The following NRG3 variants were observed in gnomAD, a reference collection of about 807,000 sequenced individuals.
The protein encoded by NRG3 is neuregulin 3.
Under a neutral mutation model 66.9 loss-of-function variants are expected in NRG3, and 31 were observed. The ratio of observed to expected loss-of-function variants is 0.46; its 90% confidence interval spans 0.35 to 0.63. The LOEUF is 0.63. NRG3 is among the 20% of genes least tolerant of loss of function. The pLI, the probability that NRG3 is intolerant of heterozygous loss-of-function variation, is 0.00. For missense variants in NRG3, 910 were observed against 878.9 expected, an observed-to-expected ratio of 1.04 and a Z score of -0.45; for synonymous variants, 393 against 359.4, an observed-to-expected ratio of 1.09 and a Z score of -1.06.
chr10:82,833,344 T>C (rs1266525873), intron 3 of NRG3, among the ~76,000 whole-genome samples: 5 of 152,148 alleles, frequency 3.3e-5, no homozygotes, highest in African/African-American at 4.8e-5. Flanking sequence ...TTCTGCTCTC[T>C]AGGAAGATAG....
At chr10:81,887,005 T>A (rs2132523634) in intron 1 of NRG3, among the ~76,000 whole-genome samples, 1 of 152,308 alleles carries the variant, frequency 6.6e-6, no homozygotes, top group South Asian at 2.1e-4. Context: ...TGTTCATGAA[T>A]TATCTTTTTT....
At chr10:82,544,957 C>T (rs1011224012) in intron 2 of NRG3, among the ~76,000 whole-genome samples, 2 of 152,154 alleles carry the variant, frequency 1.3e-5, no homozygotes, top group Non-Finnish European at 2.9e-5. Context: ...ATATCTGCAG[C>T]AATCGAGGAC....
At chr10:81,927,656 C>T (rs1437556876) in intron 1 of NRG3, among the ~76,000 whole-genome samples, 1 of 152,118 alleles carries the variant, frequency 6.6e-6, no homozygotes. Context: ...CATAAACTCC[C>T]TCTCACCCTT....
At chr10:82,492,944 T>A (rs1843282439) in intron 2 of NRG3, among the ~76,000 whole-genome samples, 1 of 152,156 alleles carries the variant, frequency 6.6e-6, no homozygotes, top group Non-Finnish European at 1.5e-5. Context: ...GAGCTTTGTA[T>A]TCAGTTTTAA....
chr10:82,316,828 A>G (rs1035317002), intron 1 of NRG3, among the ~76,000 whole-genome samples: 1 of 152,178 alleles, frequency 6.6e-6, no homozygotes, highest in African/African-American at 2.4e-5. Context: ...AATTTCAGAA[A>G]AGCAGAGCTG....
At chr10:82,287,501 A>G (rs947543483) in intron 1 of NRG3, among the ~76,000 whole-genome samples, 5 of 151,248 alleles carry the variant, frequency 3.3e-5, no homozygotes, top group African/African-American at 9.7e-5. Flanking sequence ...ACTCAGGGTG[A>G]GCATGAACAA....
chr10:82,597,906 C>T (rs958232038), intron 2 of NRG3, among the ~76,000 whole-genome samples: 3 of 134,752 alleles, frequency 2.2e-5, no homozygotes, highest in South Asian at 2.3e-4. Flanking sequence ...GGTGACAGGG[C>T]GAGACTCCCT....
At chr10:82,594,343 A>G in intron 2 of NRG3, among the ~76,000 whole-genome samples, 1 of 152,184 alleles carries the variant, frequency 6.6e-6, no homozygotes, top group East Asian at 1.9e-4. Context: ...ACAATAAATA[A>G]TATAAAGAAT....
intron 2 of NRG3, among the ~76,000 whole-genome samples, chr10:82,467,892 A>G (rs1010322904): frequency 1.3e-5 from 2 of 152,006 alleles, no homozygotes; most frequent in African/African-American, 4.8e-5. Flanking sequence ...CTTTGTGCCC[A>G]TATTCATGTT....
At chr10:82,078,874 T>G (rs1395910415) in intron 1 of NRG3, among the ~76,000 whole-genome samples, 1 of 152,142 alleles carries the variant, frequency 6.6e-6, no homozygotes, top group Non-Finnish European at 1.5e-5. Context: ...AACAGGTGAT[T>G]AGGTTGCCTG....
chr10:82,425,227 T>A (rs1425713521), intron 2 of NRG3, among the ~76,000 whole-genome samples: 4 of 152,150 alleles, frequency 2.6e-5, no homozygotes, highest in South Asian at 4.1e-4. Flanking sequence ...CTCATCAACT[T>A]GGGGACTATA....
intron 2 of NRG3, among the ~76,000 whole-genome samples, chr10:82,426,245 T>C (rs1045424903): frequency 6.6e-6 from 1 of 152,130 alleles, no homozygotes; most frequent in Non-Finnish European, 1.5e-5. Context: ...GTAAAAGTTA[T>C]GAAAGTGTGT....
intron 2 of NRG3, among the ~76,000 whole-genome samples, chr10:82,638,644 A>G (rs1488087971): frequency 6.6e-6 from 1 of 151,558 alleles, no homozygotes; most frequent in Non-Finnish European, 1.5e-5. Context: ...TTCCTGAAAT[A>G]CACTTTTTTT....
chr10:82,552,519 T>C (rs932733341), intron 2 of NRG3, among the ~76,000 whole-genome samples: 1 of 152,154 alleles, frequency 6.6e-6, no homozygotes, highest in Non-Finnish European at 1.5e-5. Flanking sequence ...ATATGTATTA[T>C]TCAGCGTAAT....
At chr10:82,043,075 G>T (rs1340839002) in intron 1 of NRG3, among the ~76,000 whole-genome samples, 1 of 151,966 alleles carries the variant, frequency 6.6e-6, no homozygotes, top group African/African-American at 2.4e-5. Flanking sequence ...AGTGTCACTG[G>T]TCCCTGGGAA....
At chr10:82,311,291 T>C (rs977032083) in intron 1 of NRG3, among the ~76,000 whole-genome samples, 2 of 152,224 alleles carry the variant, frequency 1.3e-5, no homozygotes, top group African/African-American at 4.8e-5. Flanking sequence ...TTCTATTAAA[T>C]GTCTATACTT....
intron 1 of NRG3, among the ~76,000 whole-genome samples, chr10:82,137,492 G>A (rs1000718087): frequency 6.6e-6 from 1 of 152,052 alleles, no homozygotes; most frequent in Non-Finnish European, 1.5e-5. Flanking sequence ...AAATAAATAG[G>A]TTCATGTAGG....
chr10:82,672,784 C>T (rs2053385638), intron 2 of NRG3, among the ~76,000 whole-genome samples: 1 of 152,216 alleles, frequency 6.6e-6, no homozygotes, highest in Admixed American at 6.5e-5. Context: ...GAGTCTTACT[C>T]TGTCTCCTGG....
At chr10:82,339,187 C>A (rs2082548631) in intron 1 of NRG3, among the ~76,000 whole-genome samples, 1 of 152,114 alleles carries the variant, frequency 6.6e-6, no homozygotes. Context: ...TTCTAGTTGC[C>A]TGTTTTAAAC....
Sources: allele counts gnomAD v4.1 joint callset (sites outside exome capture counted in the v4.1 genomes callset), GRCh38; gene constraint gnomAD v4.1.1; transcripts MANE v1.5; gene names NCBI Gene and HGNC (gene_info 2026-07-23, HGNC 2026-07-21).